Variants in ROBO1 observed in about 807,000 individuals in gnomAD.
The protein encoded by ROBO1 is roundabout homolog 1.
ROBO1 carries 149 observed loss-of-function variants against 195.9 expected under a neutral mutation model. That is an observed-to-expected ratio of 0.76 (90% CI 0.67 to 0.87). ROBO1 has a LOEUF of 0.87. ROBO1 is among the 40% of genes least tolerant of loss of function. The pLI, the probability that ROBO1 is intolerant of heterozygous loss-of-function variation, is 0.00. For missense variants in ROBO1, 1,933 were observed against 2,068.3 expected (o/e 0.93, Z 1.27); for synonymous variants, 816 against 733.2 (o/e 1.11, Z -1.82).
At chr3:79,180,369 G>A (rs4334606) in intron 2 of ROBO1, among the ~76,000 whole-genome samples, 13,392 of 152,138 alleles carry the variant, frequency 0.088, 1,013 homozygotes, top group African/African-American at 0.2. Context: ...ATGACTCCCT[G>A]CCTCAATGAA....
intron 3 of ROBO1, among the ~76,000 whole-genome samples, chr3:79,057,156 A>G (rs1439297396): frequency 6.6e-6 from 1 of 152,080 alleles, no homozygotes; most frequent in African/African-American, 2.4e-5. Context: ...TACAGTGTTC[A>G]CTGATGGCTC....
intron 3 of ROBO1, among the ~76,000 whole-genome samples, chr3:79,072,715 G>T (rs1035603010): frequency 6.6e-5 from 10 of 151,866 alleles, no homozygotes; most frequent in Non-Finnish European, 1.3e-4. Context: ...TTTGTAATCA[G>T]TTTATTGAGT....
chr3:78,796,527 A>G (rs962164753), intron 4 of ROBO1, among the ~76,000 whole-genome samples: 5 of 144,414 alleles, frequency 3.5e-5, no homozygotes, highest in Non-Finnish European at 4.5e-5. Flanking sequence ...TTCCACAAGT[A>G]TCTTAAACTC....
intron 1 of ROBO1, among the ~76,000 whole-genome samples, chr3:79,630,132 A>C (rs961487163): frequency 1.3e-5 from 2 of 152,132 alleles, no homozygotes; most frequent in Admixed American, 6.5e-5. Flanking sequence ...ATTTCTCTGT[A>C]ATTCATTCTA....
chr3:79,283,811 C>G (rs1460219785), intron 2 of ROBO1, among the ~76,000 whole-genome samples: 4 of 151,180 alleles, frequency 2.6e-5, no homozygotes, highest in Non-Finnish European at 3.0e-5. Flanking sequence ...CATTCTCCTG[C>G]CTCAGCCTCC....
Position 79,756,468 on chromosome 3 carries a change from G to C in ROBO1, c.-51+11284C>G, listed in dbSNP as rs1486710770. 2.0e-5 allele frequency among the ~76,000 whole-genome samples: 3 copies of C among 148,384 alleles called. No individual in the cohort carries two copies. The East Asian group carries it at 6.0e-4, about 30-fold the overall frequency. ...GGGGGCGGAGGCAGGAGAATTGCTTGAACCCAGGGTGGCAAAAATTGCAGT... is the reference window on the plus strand; with the variant it reads ...GGGGGCGGAGGCAGGAGAATTGCTTCAACCCAGGGTGGCAAAAATTGCAGT... On this transcript the variant is annotated intron_variant, in intron 1 of 30. Coordinates refer to ENST00000464233, the MANE Select transcript of ROBO1 (RefSeq NM_002941.4).
chr3:79,740,084 A>T (rs1703569746), intron 1 of ROBO1, among the ~76,000 whole-genome samples: 1 of 150,936 alleles, frequency 6.6e-6, no homozygotes, highest in Admixed American at 6.6e-5. Context: ...TTTAATATAA[A>T]ATAATAATTT....
At chr3:79,229,778 C>T (rs914244713) in intron 2 of ROBO1, among the ~76,000 whole-genome samples, 5 of 152,000 alleles carry the variant, frequency 3.3e-5, no homozygotes, top group Non-Finnish European at 7.4e-5. Flanking sequence ...AAATTAAAGG[C>T]AATTTTTAGC....
At chr3:79,144,488 T>C (rs1418210888) in intron 2 of ROBO1, among the ~76,000 whole-genome samples, 1 of 152,050 alleles carries the variant, frequency 6.6e-6, no homozygotes, top group Non-Finnish European at 1.5e-5. Flanking sequence ...TTCTAAATCT[T>C]TCTTTTCTTC....
chr3:79,404,708 T>C (rs2037483156), intron 2 of ROBO1, among the ~76,000 whole-genome samples: 1 of 152,124 alleles, frequency 6.6e-6, no homozygotes, highest in Non-Finnish European at 1.5e-5. Context: ...TAAGCCTGTG[T>C]TGCTTTAGTG....
chr3:79,281,449 T>C (rs1358141809), intron 2 of ROBO1, among the ~76,000 whole-genome samples: 2 of 152,062 alleles, frequency 1.3e-5, no homozygotes, highest in South Asian at 2.1e-4. Flanking sequence ...TTTTTCAAAT[T>C]AGGAGAAATT....
At position 79,734,731 on chromosome 3, in the gene ROBO1, CATA is replaced by C. The variant is rs572260192; in HGVS notation, c.-51+33018_-51+33020del. ...TTTGTGGAAATACAGCCACTACTTC[CATA>C]GGTCTGAGTGGGAGCGTCAAACTCC... On this transcript the variant is annotated intron_variant, in intron 1 of 30. Transcript: ENST00000464233. Among the ~76,000 whole-genome samples, 707 of 152,246 alleles carry C rather than the reference CATA, an allele frequency of 4.6e-3. 3 individuals carry two copies. Among genetic ancestry groups the C allele is most frequent in the Non-Finnish European group, 7.4e-3 (502 of 68,020 alleles).
chr3:79,151,535 C>G (rs1287588889), intron 2 of ROBO1, among the ~76,000 whole-genome samples: 2 of 151,804 alleles, frequency 1.3e-5, no homozygotes, highest in African/African-American at 2.4e-5. Context: ...TCCTCTTTCT[C>G]TATAATCTGT....
At chr3:79,381,338 A>T (rs1322729307) in intron 2 of ROBO1, among the ~76,000 whole-genome samples, 2 of 133,044 alleles carry the variant, frequency 1.5e-5, no homozygotes, top group African/African-American at 5.7e-5. Context: ...GCCTGGAGAC[A>T]GAGTGAAACT....
chr3:79,351,528 A>G (rs965159636), intron 2 of ROBO1, among the ~76,000 whole-genome samples: 7 of 152,060 alleles, frequency 4.6e-5, no homozygotes, highest in Non-Finnish European at 8.8e-5. Flanking sequence ...AACCAAAAAG[A>G]TATTTTATTT....
intron 2 of ROBO1, among the ~76,000 whole-genome samples, chr3:79,338,512 T>G (rs988017803): frequency 3.3e-5 from 5 of 152,182 alleles, no homozygotes; most frequent in African/African-American, 4.8e-5. Context: ...AATTGTGGCT[T>G]AGCTTTTAGT....
chr3:79,154,065 C>A (rs1176190995), intron 2 of ROBO1, among the ~76,000 whole-genome samples: 1 of 151,720 alleles, frequency 6.6e-6, no homozygotes, highest in Admixed American at 6.6e-5. Context: ...TTAACAATTT[C>A]TTTCTCTACT....
intron 2 of ROBO1, among the ~76,000 whole-genome samples, chr3:79,434,162 A>G (rs1211640235): frequency 6.6e-6 from 1 of 152,232 alleles, no homozygotes; most frequent in Non-Finnish European, 1.5e-5. Flanking sequence ...ATGGGCAAGG[A>G]CTTCATGTCT....
intron 2 of ROBO1, among the ~76,000 whole-genome samples, chr3:79,150,584 A>T (rs1462152681): frequency 6.6e-6 from 1 of 151,824 alleles, no homozygotes; most frequent in Non-Finnish European, 1.5e-5. Flanking sequence ...AAAAAAGGAT[A>T]TTCTTAGAGG....
Sources: gnomAD v4.1 joint callset for allele counts (sites outside exome capture counted in the v4.1 genomes callset) on GRCh38, gnomAD v4.1.1 for gene constraint, MANE v1.5 for transcripts, NCBI Gene and HGNC (gene_info 2026-07-23, HGNC 2026-07-21) for gene names.